The following AGO1 variants were observed in gnomAD, a reference collection of about 807,000 sequenced individuals.
AGO1 encodes the protein protein argonaute-1.
AGO1 carries 11 observed loss-of-function variants against 109.2 expected under a neutral mutation model. That is an observed-to-expected ratio of 0.10 (90% CI 0.06 to 0.17). AGO1 has a LOEUF of 0.17. Ranked by LOEUF, AGO1 falls within the 10% of genes least tolerant of loss-of-function variation. The probability of loss-of-function intolerance (pLI) is 1.00; values close to 1 mark genes in which losing one functional copy is unlikely to be tolerated. For missense variants in AGO1, 574 were observed against 1,140.3 expected, an observed-to-expected ratio of 0.50 and a Z score of 7.15; for synonymous variants, 422 against 418.6, an observed-to-expected ratio of 1.01 and a Z score of -0.10.
chr1:35,905,500 C>T (rs1041129009), intron 11 of AGO1, among the ~76,000 whole-genome samples: 4 of 152,104 alleles, frequency 2.6e-5, no homozygotes, highest in African/African-American at 7.2e-5. Context: ...TTGACAGCCT[C>T]GCTCTTGCCC....
At chr1:35,906,902 C>T (rs749328194) in intron 11 of AGO1, 33 bp from the exon 12 acceptor site, 1 of 1,580,790 alleles carries the variant, frequency 6.3e-7, no homozygotes, top group Non-Finnish European at 8.6e-7. Context: ...AAGTGAGACT[C>T]ACTGCCTCCT....
intron 2 of AGO1, 127 bp from the exon 3 acceptor site, chr1:35,892,430 C>T: frequency 8.3e-7 from 1 of 1,206,156 alleles, no homozygotes; most frequent in Non-Finnish European, 1.2e-6. Context: ...GTTTGAGAAG[C>T]ACTGTCATAG....
Position 35,893,784 on chromosome 1 carries a change from T to C in AGO1, c.623T>C (p.Met208Thr). The change falls in exon 5 of 19, where the codon ATG becomes ACG. Residue 208 changes from methionine (M) to threonine (T), a missense_variant. Met to Thr is a moderately conservative substitution (Grantham distance 81). This residue lies in a region of AGO1 where 129 missense variants were observed against 243.0 expected (regional missense o/e 0.53). Transcript: ENST00000373204. This position sits in a 1 kb window ranked among gnomAD's most constrained non-coding sequence, Gnocchi z 5.6. ...TTTCACCAGTCTGTGCGCCCTGCCATGTGGAAGATGATGCTCAACATTGAT... is the reference window on the plus strand; with the variant it reads ...TTTCACCAGTCTGTGCGCCCTGCCACGTGGAAGATGATGCTCAACATTGAT... ...FGFHQSVRPAMWKMMLNIDVS... is the reference protein window; with the variant it reads ...FGFHQSVRPATWKMMLNIDVS... 1 of 1,613,600 alleles carries C rather than the reference T, an allele frequency of 6.2e-7. No homozygotes were observed. Among genetic ancestry groups the C allele is most frequent in the Non-Finnish European group, 8.5e-7 (1 of 1,179,718 alleles).
chr1:35,915,512 A>C lies in AGO1; in HGVS notation c.1998A>C (p.Arg666=), dbSNP rs1466822711. The part of the protein sequence containing the change: ...RFKPTRIIFY[R]DGVPEGQLPQ... ...AGCCTACCCGCATCATCTTCTACCG[A>C]GATGGGGTGCCTGAAGGCCAGCTAC... The change falls in exon 15 of 19, where the codon CGA becomes CGC. Residue 666 remains arginine (R), a synonymous_variant. Transcript: ENST00000373204. 1 of 1,614,132 alleles carries C rather than the reference A, an allele frequency of 6.2e-7. No homozygotes were observed. The highest frequency in any genetic ancestry group is 1.7e-5 in the Admixed American group (1 of 60,014).
intron 1 of AGO1, among the ~76,000 whole-genome samples, chr1:35,884,745 A>G (rs550752117): frequency 1.3e-5 from 2 of 152,264 alleles, no homozygotes; most frequent in African/African-American, 2.4e-5. Context: ...GGAACAGAGG[A>G]TAAACTGAGG....
Position 35,896,537 on chromosome 1 carries a change from G to A in AGO1, c.1020+1268G>A, listed in dbSNP as rs559943424. Reference sequence around the variant, plus strand: ...CACCGTGCCCAGATAAGTTTTTTTTGTATTTTTAGTAGAGATGGGGTTTTG... The same window carrying A: ...CACCGTGCCCAGATAAGTTTTTTTTATATTTTTAGTAGAGATGGGGTTTTG... On this transcript the variant is annotated intron_variant, in intron 8 of 18. Transcript: ENST00000373204. Among the ~76,000 whole-genome samples the A allele has an allele frequency of 9.2e-5, 14 of 151,964 alleles. No homozygotes were observed. The South Asian group carries it at 2.5e-3, about 27-fold the overall frequency.
rs1645070385 is a variant in AGO1 at position 35,883,717 on chromosome 1, C to G, written c.25+271C>G. On this transcript the variant is annotated intron_variant, in intron 1 of 18. Transcript: ENST00000373204. The surrounding 1 kb of genome is among the most constrained non-coding windows in gnomAD (Gnocchi z 5.4). Reference sequence around the variant, plus strand: ...AAGGGCCTGCACGCACGGAAGGACTCCCAGACATCCGTGGAGGCCTACGGA... The same window carrying G: ...AAGGGCCTGCACGCACGGAAGGACTGCCAGACATCCGTGGAGGCCTACGGA... 6.6e-6 allele frequency among the ~76,000 whole-genome samples: 1 copy of G among 152,172 alleles called. No individual in the cohort carries two copies. Among genetic ancestry groups the G allele is most frequent in the Admixed American group, 6.5e-5 (1 of 15,288 alleles).
Position 35,926,944 on chromosome 1 carries a change from GTT to G in AGO1, c.*7355_*7356del, listed in dbSNP as rs56299314. On this transcript the variant is annotated 3_prime_UTR_variant, in exon 19 of 19. Coordinates refer to ENST00000373204, the MANE Select transcript of AGO1 (RefSeq NM_012199.5). ...TCTTGGCAATGGTTTTTTGTTTGGG[GTT>G]TTTTTTTTTTTTTTTTTGGACAAAG... 7.3e-4 allele frequency: 91 copies of G among 125,272 alleles called. No homozygotes were observed. The highest frequency in any genetic ancestry group is 2.2e-3 in the East Asian group (9 of 4,076). The allele number at this position is 125,272 out of a possible 1,614,324, so 7.8% of individuals were successfully genotyped here. A position where few individuals can be genotyped will look rare whatever the true frequency, so the allele number is the denominator to read the frequency against.
At chr1:35,905,792 C>T (rs1216024242) in intron 11 of AGO1, among the ~76,000 whole-genome samples, 2 of 152,094 alleles carry the variant, frequency 1.3e-5, no homozygotes, top group Admixed American at 6.6e-5. Flanking sequence ...TCTGATGAGG[C>T]CACTGTTATG....
intron 13 of AGO1, 67 bp downstream of exon 13, chr1:35,914,068 C>A: frequency 3.7e-6 from 6 of 1,603,718 alleles, no homozygotes; most frequent in East Asian, 2.2e-5. Context: ...AGAGATAGGA[C>A]CCTGGCCAGG....
intron 16 of AGO1, 44 bp downstream of exon 16, chr1:35,917,771 C>T (rs567608908): frequency 1.9e-6 from 3 of 1,595,378 alleles, no homozygotes; most frequent in African/African-American, 1.3e-5. Flanking sequence ...TTCTGTCTCC[C>T]TTATCTTAAT....
intron 1 of AGO1, among the ~76,000 whole-genome samples, chr1:35,887,618 C>T (rs1645141770): frequency 6.6e-6 from 1 of 152,030 alleles, no homozygotes; most frequent in Admixed American, 6.6e-5. Flanking sequence ...TTCTAATTGC[C>T]ACCTCTTCTT....
intron 11 of AGO1, among the ~76,000 whole-genome samples, chr1:35,903,955 C>G (rs1645469784): frequency 1.3e-5 from 2 of 151,016 alleles, no homozygotes. Context: ...AAGCGAGACT[C>G]CATCTCAAAA....
At position 35,889,691 on chromosome 1, in the gene AGO1, C is replaced by G. The variant is rs77867546; in HGVS notation, c.209+1081C>G. 8.5e-3 allele frequency among the ~76,000 whole-genome samples: 1,293 copies of G among 151,436 alleles called. 16 individuals are homozygous for G. The highest frequency in any genetic ancestry group is 0.029 in the African/African-American group (1,215 of 41,258). ...TTTGAGAAAGAAAAATTAGATTTTT[C>G]TTTCTCCCTCTGTCGCCCAAGCTGG... On this transcript the variant is annotated intron_variant, in intron 2 of 18. Transcript: ENST00000373204.
In AGO1 at chr1:35,888,189, A is replaced by C. The variant is rs905055238; in HGVS notation, c.26-238A>C. 6.6e-6 allele frequency among the ~76,000 whole-genome samples: 1 copy of C among 152,222 alleles called. No homozygotes were observed. Among genetic ancestry groups the C allele is most frequent in the Non-Finnish European group, 1.5e-5 (1 of 68,034 alleles). ...GAACTTATTATATATTAACTTAATGAATTAAAAATAGACAATAAGGATAAT... is the reference window on the plus strand; with the variant it reads ...GAACTTATTATATATTAACTTAATGCATTAAAAATAGACAATAAGGATAAT... On this transcript the variant is annotated intron_variant, in intron 1 of 18. Coordinates refer to ENST00000373204, the MANE Select transcript of AGO1 (RefSeq NM_012199.5). This position sits in a 1 kb window ranked among gnomAD's most constrained non-coding sequence, Gnocchi z 4.1.
intron 11 of AGO1, among the ~76,000 whole-genome samples, chr1:35,902,933 T>C (rs1171200609): frequency 6.6e-6 from 1 of 151,654 alleles, no homozygotes; most frequent in Admixed American, 6.6e-5. Flanking sequence ...GAAAGTGTTA[T>C]AGCCAAATGG....
At chr1:35,892,864 T>A (rs902037850) in intron 3 of AGO1, among the ~76,000 whole-genome samples, 187 bp downstream of exon 3, 1 of 152,128 alleles carries the variant, frequency 6.6e-6, no homozygotes, top group Non-Finnish European at 1.5e-5. Flanking sequence ...CCTAAACAGA[T>A]TGAGATTAGA....
intron 11 of AGO1, among the ~76,000 whole-genome samples, chr1:35,905,157 C>T (rs1026726326): frequency 1.6e-4 from 24 of 152,246 alleles, no homozygotes; most frequent in Non-Finnish European, 2.5e-4. Flanking sequence ...TTGGAAATAA[C>T]GTCTTTCCTT....
chr1:35,916,757 T>G (rs1645743340), intron 15 of AGO1, among the ~76,000 whole-genome samples: 2 of 152,268 alleles, frequency 1.3e-5, no homozygotes. Flanking sequence ...GTCTAGTGGC[T>G]TCACATAGCT....
Sources: gnomAD v4.1 joint callset for allele counts (sites outside exome capture counted in the v4.1 genomes callset) on GRCh38, gnomAD v4.1.1 for gene constraint, gnomAD v4.1.1 regional missense constraint, Gnocchi (gnomAD v3.1) non-coding constraint, MANE v1.5 for transcripts, NCBI Gene and HGNC (gene_info 2026-07-23, HGNC 2026-07-21) for gene names.